CDON: variants seen among roughly 807,000 people sequenced by gnomAD.
The protein encoded by CDON is cell adhesion molecule-related/down-regulated by oncogenes.
Under a neutral mutation model 120.9 loss-of-function variants are expected in CDON, and 73 were observed. The ratio of observed to expected loss-of-function variants is 0.60; its 90% CI spans 0.50 to 0.73. The LOEUF (loss-of-function observed/expected upper bound fraction) is 0.73. Among genes scored for constraint, CDON ranks in the 30% least tolerant of loss-of-function variants. The pLI is 0.00. For missense variants in CDON, 1,470 were observed against 1,587.3 expected, an observed-to-expected ratio of 0.93 and a Z score of 1.26; for synonymous variants, 566 against 573.5, an observed-to-expected ratio of 0.99 and a Z score of 0.19.
intron 14 of CDON, among the ~76,000 whole-genome samples, chr11:125,993,382 T>TGC (rs1946684329): frequency 1.2e-5 from 1 of 81,822 alleles, no homozygotes; most frequent in Non-Finnish European, 2.3e-5. Flanking sequence ...CACACACACA[T>TGC]GCGCGCGTGC....
At chr11:126,029,124 T>G (rs1282192377) in intron 1 of CDON, among the ~76,000 whole-genome samples, 6 of 152,192 alleles carry the variant, frequency 3.9e-5, no homozygotes, top group Non-Finnish European at 8.8e-5. Flanking sequence ...GTAAGCAAAG[T>G]GTGGATACGA....
chr11:125,994,381 TG>T lies in CDON; in HGVS notation c.2552del (p.Pro851HisfsTer32). 6.6e-7 allele frequency: 1 copy of T among 1,524,250 alleles called. No homozygotes were observed. Among genetic ancestry groups the T allele is most frequent in the Non-Finnish European group, 9.1e-7 (1 of 1,098,108 alleles). 94.4% of individuals were successfully genotyped at this position (1,524,250 alleles called of 1,614,324 possible). Reference protein sequence around the residue: ...TQIMLKWTYIPSSNNNTPIQG... With the variant: ...TQIMLKWTYIXSSNNNTPIQG... ...GAATGGGAGTGTTATTGTTACTTGA[TG>T]GAATGTACTAAAAAACAGAAGCAAA... On this transcript the variant is annotated frameshift_variant, in exon 14 of 20. Transcript: ENST00000531738. LOFTEE classifies it high-confidence loss of function.
At chr11:126,007,118 A>G (rs1947150856) in intron 8 of CDON, among the ~76,000 whole-genome samples, 1 of 152,232 alleles carries the variant, frequency 6.6e-6, no homozygotes, top group South Asian at 2.1e-4. Flanking sequence ...GGCAACAGAA[A>G]ATTCTATTTT....
chr11:125,965,079 A>C (rs1422331701), intron 18 of CDON, among the ~76,000 whole-genome samples: 1 of 152,054 alleles, frequency 6.6e-6, no homozygotes, highest in Non-Finnish European at 1.5e-5. Context: ...GGTGCATGCC[A>C]CCACACCCAG....
intron 1 of CDON, among the ~76,000 whole-genome samples, chr11:126,033,531 A>G (rs1948007024): frequency 6.6e-6 from 1 of 152,194 alleles, no homozygotes; most frequent in Non-Finnish European, 1.5e-5. Flanking sequence ...AAAGGAAAAG[A>G]CAGAAATGAT....
chr11:126,017,022 C>T, intron 6 of CDON, 66 bp downstream of exon 6: 1 of 1,290,898 alleles, frequency 7.7e-7, no homozygotes, highest in East Asian at 2.3e-5. Flanking sequence ...ATAGATCTTT[C>T]CTTCAGGTAT....
At position 126,001,749 on chromosome 11, in the gene CDON, C is replaced by G. The variant is rs765777189; in HGVS notation, c.2128G>C (p.Val710Leu). The change falls in exon 11 of 20, where the codon GTA becomes CTA. Residue 710 changes from valine to leucine, a missense_variant. Transcript: ENST00000531738. ...SEAANNNFGVVLTDSSRHSGV... is the reference protein window; with the variant it reads ...SEAANNNFGVLLTDSSRHSGV... Reference sequence around the variant, plus strand: ...CTGTGCCTAGAGGAATCTGTAAGTACCACTCCAAAATTGTTGTTTGCAGCC... The same window carrying G: ...CTGTGCCTAGAGGAATCTGTAAGTAGCACTCCAAAATTGTTGTTTGCAGCC... 9 of 1,613,590 alleles carry G rather than the reference C, an allele frequency of 5.6e-6. No individual in the cohort carries two copies. The African/African-American group carries it at 1.2e-4, about 22-fold the overall frequency.
intron 8 of CDON, among the ~76,000 whole-genome samples, chr11:126,008,675 G>A (rs1267359782): frequency 6.6e-6 from 1 of 152,110 alleles, no homozygotes; most frequent in East Asian, 1.9e-4. Context: ...TTCTACCCAA[G>A]GAGCTCCTGC....
intron 1 of CDON, among the ~76,000 whole-genome samples, chr11:126,050,954 T>C (rs1446903263): frequency 6.6e-6 from 1 of 152,132 alleles, no homozygotes; most frequent in Non-Finnish European, 1.5e-5. Flanking sequence ...AAGACACTAG[T>C]ATTTCTCAGT....
In CDON at chr11:125,961,824, C is replaced by T; in HGVS notation, c.3531G>A (p.Lys1177=). The T allele has an allele frequency of 6.2e-7, 1 of 1,614,170 alleles. No homozygotes were observed. Among genetic ancestry groups the T allele is most frequent in the African/African-American group, 1.3e-5 (1 of 75,038 alleles). The change falls in exon 19 of 20, where the codon AAG becomes AAA. Residue 1177 remains lysine (K), a synonymous_variant. Coordinates refer to ENST00000531738, the MANE Select transcript of CDON (RefSeq NM_001378964.1). ...GAGTAGGGACTGGTTCCACATTGTC[C>T]TTGACGCTCTCCTCCGGCAACTGGC... The part of the protein sequence containing the change: ...DCGQLPEESV[K]DNVEPVPTQR...
rs1053972583 is a variant in CDON, at chr11:125,992,484, C to G, written c.2650+1800G>C. 5.9e-5 allele frequency among the ~76,000 whole-genome samples: 9 copies of G among 152,142 alleles called. No homozygotes were observed. In the South Asian group the frequency reaches 1.7e-3, roughly 28 times the overall value. On this transcript the variant is annotated intron_variant, in intron 14 of 19. Transcript: ENST00000531738. ...GTCAACAAAGAGAACACAGGAAAGC[C>G]CCCCACCTCAAACATCCCCTTATGC... is the stretch of plus-strand genomic sequence containing the variant.
intron 1 of CDON, among the ~76,000 whole-genome samples, chr11:126,054,263 C>T (rs533225694): frequency 6.6e-6 from 1 of 152,278 alleles, no homozygotes; most frequent in African/African-American, 2.4e-5. Flanking sequence ...CCTATATACC[C>T]AGGAGAACCC....
Position 126,010,446 on chromosome 11 carries a change from T to C in CDON, c.1447A>G (p.Ser483Gly), listed in dbSNP as rs1274678871. The change falls in exon 8 of 20, where the codon AGC becomes GGC. Residue 483 changes from serine to glycine, a missense_variant. Physicochemically the swap from Ser to Gly is moderately conservative, Grantham distance 56 (BLOSUM62 0). Coordinates refer to ENST00000531738, the MANE Select transcript of CDON (RefSeq NM_001378964.1). The part of the protein sequence containing the change: ...VYFVLSQAGA[S>G]SLHIQAVTQE... ...GTCACAGCCTGAATATGGAGAGAGC[T>C]TGCACCAGCTTGGGACAGGACGAAG... is the stretch of plus-strand genomic sequence containing the variant. 2 of 1,614,140 alleles carry C rather than the reference T, an allele frequency of 1.2e-6. No homozygotes were observed. The highest frequency in any genetic ancestry group is 8.5e-7 in the Non-Finnish European group (1 of 1,180,004).
At chr11:125,973,137 T>C (rs534712321) in intron 18 of CDON, among the ~76,000 whole-genome samples, 17 of 151,486 alleles carry the variant, frequency 1.1e-4, no homozygotes, top group African/African-American at 3.9e-4. Flanking sequence ...TAGTCTACTG[T>C]TTCTCATCTG....
At chr11:126,040,891 A>C (rs539469634) in intron 1 of CDON, among the ~76,000 whole-genome samples, 2 of 144,724 alleles carry the variant, frequency 1.4e-5, no homozygotes, top group African/African-American at 5.1e-5. Context: ...GTGCAGCGCT[A>C]CAGTAAAAAC....
chr11:125,988,350 T>C (rs913865794), intron 15 of CDON, among the ~76,000 whole-genome samples: 6 of 152,138 alleles, frequency 3.9e-5, no homozygotes, highest in Non-Finnish European at 8.8e-5. Flanking sequence ...AATGGGAACA[T>C]GACGAACAGG....
chr11:125,997,529 G>T, intron 11 of CDON, 119 bp from the exon 12 acceptor site: 1 of 792,494 alleles, frequency 1.3e-6, no homozygotes. Flanking sequence ...CAAACTTTTT[G>T]CCAGAGTTTA....
chr11:126,014,007 TTC>T (rs1437226897), intron 7 of CDON, among the ~76,000 whole-genome samples: 3 of 152,100 alleles, frequency 2.0e-5, no homozygotes, highest in Non-Finnish European at 2.9e-5. Context: ...CCATTATGAT[TTC>T]TTTTTTTGAT....
At chr11:126,040,148 A>T (rs1287693457) in intron 1 of CDON, among the ~76,000 whole-genome samples, 1 of 152,196 alleles carries the variant, frequency 6.6e-6, no homozygotes, top group Non-Finnish European at 1.5e-5. Context: ...CATAAATGCA[A>T]AAAAGGTCTT....
Sources: gnomAD v4.1 joint callset for allele counts (sites outside exome capture counted in the v4.1 genomes callset) on GRCh38, gnomAD v4.1.1 for gene constraint, MANE v1.5 for transcripts, NCBI Gene and HGNC (gene_info 2026-07-23, HGNC 2026-07-21) for gene names.